Variants in MYO9B observed in about 807,000 individuals in gnomAD.
The protein encoded by MYO9B is unconventional myosin-IXb.
Under a neutral mutation model 229.5 loss-of-function variants are expected in MYO9B, and 71 were observed. The ratio of observed to expected loss-of-function variants is 0.31; its 90% CI spans 0.26 to 0.38. The LOEUF is 0.38. Among genes scored for constraint, MYO9B ranks in the 10% least tolerant of loss-of-function variants. The pLI is 1.00. For synonymous variants in MYO9B, 1,185 were observed against 1,235.8 expected, an observed-to-expected ratio of 0.96 and a Z score of 0.86; for missense variants, 2,255 against 2,920.5, an observed-to-expected ratio of 0.77 and a Z score of 5.25.
Position 17,112,288 on chromosome 19 carries a change from G to C in MYO9B, c.840+9731G>C, listed in dbSNP as rs552431603. ...GGAGCCACCGAGGGACACCAGGTGGGACCAGGAGCCGGGGTGGGAGGAAGC... is the reference window on the plus strand; with the variant it reads ...GGAGCCACCGAGGGACACCAGGTGGCACCAGGAGCCGGGGTGGGAGGAAGC... On this transcript the variant is annotated intron_variant, in intron 2 of 39. Transcript: ENST00000682292. Among the ~76,000 whole-genome samples the C allele has an allele frequency of 3.9e-5, 6 of 152,292 alleles. No individual in the cohort carries two copies. In the East Asian group the frequency reaches 1.2e-3, roughly 29 times the overall value.
chr19:17,144,070 G>A (rs546388544), intron 2 of MYO9B, among the ~76,000 whole-genome samples: 3 of 152,016 alleles, frequency 2.0e-5, no homozygotes, highest in Non-Finnish European at 4.4e-5. Flanking sequence ...AAAAGTTAAG[G>A]CTAGGCATGG....
At chr19:17,147,097 G>A (rs979264029) in intron 3 of MYO9B, among the ~76,000 whole-genome samples, 3 of 152,222 alleles carry the variant, frequency 2.0e-5, no homozygotes, top group East Asian at 1.9e-4. Context: ...CCACAAGGCA[G>A]TCAGTGGCCC....
intron 2 of MYO9B, among the ~76,000 whole-genome samples, chr19:17,127,518 G>A (rs1394339186): frequency 6.6e-6 from 1 of 152,008 alleles, no homozygotes; most frequent in African/African-American, 2.4e-5. Flanking sequence ...TGGTAGAGAC[G>A]GAGTTTCACC....
chr19:17,158,352 G>A (rs3786512), intron 7 of MYO9B, among the ~76,000 whole-genome samples: 105,943 of 151,916 alleles, frequency 0.7, 37,316 homozygotes, highest in African/African-American at 0.79. Flanking sequence ...CAGGTGGATC[G>A]TCTGAGGTCA....
At chr19:17,157,865 A>G (rs975042540) in intron 7 of MYO9B, among the ~76,000 whole-genome samples, 5 of 152,142 alleles carry the variant, frequency 3.3e-5, no homozygotes, top group African/African-American at 9.7e-5. Flanking sequence ...TGGGTGAGTG[A>G]CAGAGTAAGG....
At chr19:17,113,655 C>G (rs572938275) in intron 2 of MYO9B, among the ~76,000 whole-genome samples, 4 of 152,094 alleles carry the variant, frequency 2.6e-5, no homozygotes, top group African/African-American at 9.7e-5. Flanking sequence ...CTGGGCACCC[C>G]GGGCACCACA....
chr19:17,199,662 C>T (rs1373267068), intron 24 of MYO9B, among the ~76,000 whole-genome samples: 2 of 150,784 alleles, frequency 1.3e-5, no homozygotes, highest in Non-Finnish European at 2.9e-5. Context: ...TACAGGTGTG[C>T]ACCACCATGC....
chr19:17,168,128 GCC>G, intron 11 of MYO9B, 64 bp downstream of exon 11: 1 of 1,578,154 alleles, frequency 6.3e-7, no homozygotes, highest in Non-Finnish European at 8.6e-7. Context: ...AGGTTCTGCA[GCC>G]CCCAGAGCCT....
chr19:17,206,200 C>T (rs377115618), intron 32 of MYO9B, 48 bp downstream of exon 32: 58 of 1,600,922 alleles, frequency 3.6e-5, no homozygotes, highest in African/African-American at 2.1e-4. Flanking sequence ...CAGGCACAGC[C>T]GTCCTGCCAG....
chr19:17,142,172 A>G (rs1362074220), intron 2 of MYO9B, among the ~76,000 whole-genome samples: 1 of 151,572 alleles, frequency 6.6e-6, no homozygotes, highest in Non-Finnish European at 1.5e-5. Context: ...CTTTTAAAAA[A>G]AAAAAAAGAA....
chr19:17,080,984 T>A (rs778824140), intron 1 of MYO9B, among the ~76,000 whole-genome samples: 44 of 152,114 alleles, frequency 2.9e-4, no homozygotes, highest in Non-Finnish European at 4.7e-4. Flanking sequence ...CAGCCCATAA[T>A]ACTGAGAAAA....
Position 17,203,038 on chromosome 19 carries a change from C to T in MYO9B, c.4879-109C>T, listed in dbSNP as rs772799479. On this transcript the variant is annotated intron_variant, in intron 29 of 39. Transcript: ENST00000682292. ...GTTTTTCCCCCGGCATATACGGAGC[C>T]GTAGTCTTGAATAAGTCACCCCTGA... The T allele has an allele frequency of 8.8e-6, 12 of 1,358,624 alleles. 1 individual carries two copies. The highest frequency in any genetic ancestry group is 3.6e-4 in the Middle Eastern group (2 of 5,558). 84.2% of individuals were successfully genotyped at this position (1,358,624 alleles called of 1,614,324 possible). A position where few individuals can be genotyped will look rare whatever the true frequency, so the allele number is the denominator to read the frequency against.
rs756931092 is a variant in MYO9B at position 17,206,082 on chromosome 19, C to T, written c.5187C>T (p.Tyr1729=). The stretch of plus-strand genomic sequence containing the variant: ...AACACGTGGAGATGCACGGCCTGTA[C>T]ACCGAGGGCCTCTACCGCAAGTCGG... The part of the protein sequence containing the change: ...LLEHVEMHGL[Y]TEGLYRKSGA... Residue 1729 remains tyrosine (Y), a synonymous_variant, in exon 32 of 40, where the codon TAC becomes TAT. Transcript: ENST00000682292. The T allele has an allele frequency of 1.9e-6, 3 of 1,608,872 alleles. No homozygotes were observed. Among genetic ancestry groups the T allele is most frequent in the South Asian group, 2.2e-5 (2 of 90,960 alleles).
At chr19:17,083,328 C>A (rs1009272905) in intron 1 of MYO9B, among the ~76,000 whole-genome samples, 1 of 152,182 alleles carries the variant, frequency 6.6e-6, no homozygotes, top group Non-Finnish European at 1.5e-5. Flanking sequence ...CCACGCCCAG[C>A]CACTTTTCTG....
At chr19:17,153,528 AAG>A (rs936580971) in intron 4 of MYO9B, among the ~76,000 whole-genome samples, 10 of 148,198 alleles carry the variant, frequency 6.7e-5, no homozygotes, top group Admixed American at 5.4e-4. Context: ...CTCTACAAAA[AAG>A]ACCAAAAAAA....
chr19:17,108,455 C>A (rs2057814411), intron 2 of MYO9B, among the ~76,000 whole-genome samples: 1 of 152,156 alleles, frequency 6.6e-6, no homozygotes, highest in African/African-American at 2.4e-5. Context: ...TGAGCAGCAT[C>A]CCTGGCCTCC....
intron 13 of MYO9B, among the ~76,000 whole-genome samples, chr19:17,173,603 C>T (rs75316136): frequency 0.063 from 9,551 of 152,140 alleles, 394 homozygotes; most frequent in Non-Finnish European, 0.094. Flanking sequence ...CATGCCCAGC[C>T]CCAGCCTCTT....
chr19:17,160,507 T>C (rs2072586554), intron 8 of MYO9B, among the ~76,000 whole-genome samples: 1 of 126,312 alleles, frequency 7.9e-6, no homozygotes, highest in South Asian at 2.4e-4. Context: ...GCTTCTTTTT[T>C]TTCTTTTTTT....
chr19:17,152,796 G>A lies in MYO9B; in HGVS notation c.998+90G>A. The A allele has an allele frequency of 5.0e-6, 6 of 1,208,496 alleles. No individual in the cohort carries two copies. The South Asian group carries it at 7.8e-5, about 16-fold the overall frequency. 74.9% of individuals were successfully genotyped at this position (1,208,496 alleles called of 1,614,324 possible). On this transcript the variant is annotated intron_variant, in intron 4 of 39. Coordinates refer to ENST00000682292, the MANE Select transcript of MYO9B (RefSeq NM_004145.4). ...GAGAGAAGCAAAGCAAACGTCCTGA[G>A]GTCGGAGGAATTCTGGGGGAGGCCG...
Sources: allele counts gnomAD v4.1 joint callset (sites outside exome capture counted in the v4.1 genomes callset), GRCh38; gene constraint gnomAD v4.1.1; transcripts MANE v1.5; gene names NCBI Gene and HGNC (gene_info 2026-07-23, HGNC 2026-07-21).